Variants in USF2 observed in about 807,000 individuals in gnomAD.
USF2 encodes upstream transcription factor 2, c-fos interacting, also known as upstream stimulatory factor 2.
Under a neutral mutation model 46.9 loss-of-function variants are expected in USF2, and 16 were observed. The ratio of observed to expected loss-of-function variants is 0.34; its 90% CI spans 0.23 to 0.52. The LOEUF is 0.52. Among genes scored for constraint, USF2 ranks in the 20% least tolerant of loss-of-function variants. USF2 has a pLI of 0.96. For missense variants in USF2, 411 were observed against 474.0 expected (o/e 0.87, Z 1.23); for synonymous variants, 239 against 194.1 (o/e 1.23, Z -1.92).
rs146386553 is a variant in USF2, at chr19:35,276,783, C to G, written c.728-1915C>G. On this transcript the variant is annotated intron_variant, in intron 7 of 9. Transcript: ENST00000222305. ...AGGCCATGGCTCGGCGCCTGGCGTT[C>G]CCGAGGCACTTTGTACCATCTTCAG... 6.6e-5 allele frequency among the ~76,000 whole-genome samples: 10 copies of G among 152,282 alleles called. No individual in the cohort carries two copies. In the East Asian group the frequency reaches 1.9e-3, roughly 29 times the overall value.
At position 35,273,479 on chromosome 19, in the gene USF2, G is replaced by A. The variant is rs1236233600; in HGVS notation, c.727+2338G>A. Among the ~76,000 whole-genome samples, 3 of 152,344 alleles carry A rather than the reference G, an allele frequency of 2.0e-5. No individual in the cohort carries two copies. The East Asian group carries it at 5.8e-4, about 29-fold the overall frequency. On this transcript the variant is annotated intron_variant, in intron 7 of 9. Transcript: ENST00000222305. ...CAGTTCCAAGTGAGTAGATGGGGGT[G>A]CCGGGGAATCTGTGTTTTCCATCAG...
intron 1 of USF2, 43 bp from the exon 2 acceptor site, chr19:35,269,403 G>C: frequency 7.4e-7 from 1 of 1,357,482 alleles, no homozygotes; most frequent in Non-Finnish European, 9.4e-7. Context: ...GGGGGCGCGG[G>C]CGCGGGCCGC....
Position 35,270,795 on chromosome 19 carries a change from C to T in USF2, c.658C>T (p.Pro220Ser), listed in dbSNP as rs1440232153. The change falls in exon 6 of 10, where the codon CCT becomes TCT. Residue 220 changes from proline (P) to serine (S), a missense_variant. By Grantham distance (74) the Pro-to-Ser change is moderately conservative. Coordinates refer to ENST00000222305, the MANE Select transcript of USF2 (RefSeq NM_003367.4). ...TQRTIAPRTH[P>S]YSPKIDGTRT... ...GAGGACGATCGCCCCCCGGACACACCCTTACTCTCCGTATGTGCAGGGGAC... is the reference window on the plus strand; with the variant it reads ...GAGGACGATCGCCCCCCGGACACACTCTTACTCTCCGTATGTGCAGGGGAC... The T allele has an allele frequency of 6.2e-7, 1 of 1,614,078 alleles. No individual in the cohort carries two copies. The highest frequency in any genetic ancestry group is 1.1e-5 in the South Asian group (1 of 91,084).
Position 35,279,246 on chromosome 19 carries a change from C to T in USF2, c.1031C>T (p.Thr344Ile). 2 of 1,537,132 alleles carry T rather than the reference C, an allele frequency of 1.3e-6. 1 individual carries two copies. The highest frequency in any genetic ancestry group is 2.5e-5 in the South Asian group (2 of 81,256). ...QHNLEMVGEGTRQ is the reference protein window; with the variant it reads ...QHNLEMVGEGIRQ ...AACCTGGAGATGGTGGGCGAGGGCA[C>T]CCGGCAGTGACGCCCGCCACCACCA... is the stretch of plus-strand genomic sequence containing the variant. The change falls in exon 10 of 10, where the codon ACC (threonine) becomes ATC (isoleucine). Residue 344 changes from threonine (T) to isoleucine (I), a missense_variant. This residue lies in a region of USF2 where 93 missense variants were observed against 151.6 expected (regional missense o/e 0.61). Coordinates refer to ENST00000222305, the MANE Select transcript of USF2 (RefSeq NM_003367.4).
chr19:35,270,270 G>A (rs1355015796), intron 4 of USF2, 177 bp from the exon 5 acceptor site: 3 of 1,020,614 alleles, frequency 2.9e-6, no homozygotes, highest in Admixed American at 3.0e-5. Flanking sequence ...GCAAGTGATC[G>A]CTGACCTCCC....
At position 35,269,840 on chromosome 19, in the gene USF2, T is replaced by C; in HGVS notation, c.266T>C (p.Leu89Pro). ...YRVVQVTDGQ[L>P]DGQGDTAGAV... The stretch of plus-strand genomic sequence containing the variant: ...GTAGTCCAGGTGACTGATGGTCAGC[T>C]GGACGGCCAGGGCGACACAGCTGGC... Residue 89 changes from leucine (L) to proline (P), a missense_variant, in exon 4 of 10, where the codon CTG becomes CCG. This residue lies in a region of USF2 where 318 missense variants were observed against 322.4 expected (regional missense o/e 0.99). Coordinates refer to ENST00000222305, the MANE Select transcript of USF2 (RefSeq NM_003367.4). 1 of 1,448,006 alleles carries C rather than the reference T, an allele frequency of 6.9e-7. No individual in the cohort carries two copies. The highest frequency in any genetic ancestry group is 1.4e-5 in the South Asian group (1 of 69,332). The allele number at this position is 1,448,006 out of a possible 1,614,324, so 89.7% of individuals were successfully genotyped here. A position where few individuals can be genotyped will look rare whatever the true frequency, so the allele number is the denominator to read the frequency against.
At chr19:35,270,275 C>G in intron 4 of USF2, 172 bp from the exon 5 acceptor site, 1 of 1,051,174 alleles carries the variant, frequency 9.5e-7, no homozygotes, top group Non-Finnish European at 1.3e-6. Context: ...TGATCGCTGA[C>G]CTCCCGCCAT....
Position 35,279,354 on chromosome 19 carries a change from G to T in USF2, c.*98G>T. 4 of 1,274,128 alleles carry T rather than the reference G, an allele frequency of 3.1e-6. No individual in the cohort carries two copies. Among genetic ancestry groups the T allele is most frequent in the East Asian group, 3.0e-5 (1 of 33,858 alleles). 78.9% of individuals were successfully genotyped at this position (1,274,128 alleles called of 1,614,324 possible). A position where few individuals can be genotyped will look rare whatever the true frequency, so the allele number is the denominator to read the frequency against. ...GAGAGGGACACATGCCCCTCCCCCA[G>T]CTGCGTTTTTTTATAGTAGATTTTT... On this transcript the variant is annotated 3_prime_UTR_variant, in exon 10 of 10. Transcript: ENST00000222305.
At chr19:35,274,501 G>A (rs774149613) in intron 7 of USF2, among the ~76,000 whole-genome samples, 3 of 152,186 alleles carry the variant, frequency 2.0e-5, no homozygotes, top group Non-Finnish European at 2.9e-5. Context: ...ATCTCAGGAA[G>A]GGGTGTGTGG....
intron 7 of USF2, chr19:35,275,382 C>T (rs1302696815): frequency 6.6e-6 from 1 of 151,460 alleles, no homozygotes; most frequent in Non-Finnish European, 1.5e-5. Flanking sequence ...TGCTAGGTTT[C>T]ATGCTTTAGC....
chr19:35,270,677 C>A, intron 5 of USF2, 41 bp from the exon 6 acceptor site: 1 of 1,613,124 alleles, frequency 6.2e-7, no homozygotes. Context: ...CCAGTTCTGA[C>A]TTCACCCTGC....
At position 35,271,097 on chromosome 19, in the gene USF2, C is replaced by A. The variant is rs929262031; in HGVS notation, c.683C>A (p.Thr228Asn). ...TCCTCTTGTAGAAAAATTGATGGAACCAGAACACCCCGAGATGAGAGGAGA... is the reference window on the plus strand; with the variant it reads ...TCCTCTTGTAGAAAAATTGATGGAAACAGAACACCCCGAGATGAGAGGAGA... ...THPYSPKIDGTRTPRDERRRA... is the reference protein window; with the variant it reads ...THPYSPKIDGNRTPRDERRRA... Residue 228 changes from threonine (T) to asparagine (N), a missense_variant, in exon 7 of 10, where the codon ACC becomes AAC. Physicochemically the swap from Thr to Asn is moderately conservative, Grantham distance 65 (BLOSUM62 0). This residue lies in a region of USF2 where 318 missense variants were observed against 322.4 expected (regional missense o/e 0.99). Transcript: ENST00000222305. 5 of 1,613,690 alleles carry A rather than the reference C, an allele frequency of 3.1e-6. No individual in the cohort carries two copies. Among genetic ancestry groups the A allele is most frequent in the Non-Finnish European group, 4.2e-6 (5 of 1,179,906 alleles).
chr19:35,270,012 C>T lies in USF2; in HGVS notation c.429+9C>T, dbSNP rs2066125697. 4 of 1,343,710 alleles carry T rather than the reference C, an allele frequency of 3.0e-6. No homozygotes were observed. The highest frequency in any genetic ancestry group is 3.1e-5 in the East Asian group (1 of 32,402). 83.2% of individuals were successfully genotyped at this position (1,343,710 alleles called of 1,614,324 possible). ...CAGCGCCCTTCCCGCTGGTAGGTGC[C>T]CTGCCACCCCTGGGTGGGGGGGGGA... On this transcript the variant is annotated intron_variant, in intron 4 of 9. Transcript: ENST00000222305.
chr19:35,270,370 C>T (rs2066133390), intron 4 of USF2, 77 bp from the exon 5 acceptor site: 1 of 1,555,598 alleles, frequency 6.4e-7, no homozygotes, highest in Non-Finnish European at 8.7e-7. Flanking sequence ...ATGCAGTAAA[C>T]CCCAAGCACA....
At chr19:35,271,564 G>A (rs565080226) in intron 7 of USF2, among the ~76,000 whole-genome samples, 6 of 152,310 alleles carry the variant, frequency 3.9e-5, no homozygotes, top group Admixed American at 1.3e-4. Context: ...CCCCCAGGGA[G>A]CACATCTGAG....
In USF2 at chr19:35,279,153, G is replaced by A. The variant is rs2280746; in HGVS notation, c.952-14G>A. On this transcript the variant is annotated splice_polypyrimidine_tract_variant and intron_variant, in intron 9 of 9. Coordinates refer to ENST00000222305, the MANE Select transcript of USF2 (RefSeq NM_003367.4). ...CTGGCCCTCAGCTCCCTTGACCTCC[G>A]TCGTGTCCGCCAGATCGAGGAGCTG... The A allele has an allele frequency of 0.14, 226,820 of 1,609,948 alleles. 17,602 individuals are homozygous for A. Among genetic ancestry groups the A allele is most frequent in the Admixed American group, 0.27 (15,830 of 59,218 alleles).
intron 8 of USF2, 67 bp from the exon 9 acceptor site, chr19:35,278,879 G>T (rs779409777): frequency 1.3e-6 from 2 of 1,599,646 alleles, no homozygotes; most frequent in Non-Finnish European, 1.7e-6. Context: ...GGGCTCGGGA[G>T]TCATCCCTGG....
chr19:35,269,867 CCGTCAG>C lies in USF2; in HGVS notation c.298_303del (p.Ser100_Val101del), dbSNP rs1226224642. 2 of 1,421,824 alleles carry C rather than the reference CCGTCAG, an allele frequency of 1.4e-6. No individual in the cohort carries two copies. The highest frequency in any genetic ancestry group is 1.8e-6 in the Non-Finnish European group (2 of 1,096,682). 88.1% of individuals were successfully genotyped at this position (1,421,824 alleles called of 1,614,324 possible). A position where few individuals can be genotyped will look rare whatever the true frequency, so the allele number is the denominator to read the frequency against. On this transcript the variant is annotated inframe_deletion, in exon 4 of 10. Transcript: ENST00000222305. ...GACGGCCAGGGCGACACAGCTGGCG[CCGTCAG>C]CGTCGTGTCCACCGCTGCCTTCGCG...
intron 7 of USF2, among the ~76,000 whole-genome samples, chr19:35,272,222 C>T (rs191862510): frequency 7.2e-5 from 11 of 152,266 alleles, no homozygotes; most frequent in African/African-American, 2.4e-4. Context: ...CAGACAAGGT[C>T]TCAGCTCTCT....
Sources: allele counts gnomAD v4.1 joint callset (sites outside exome capture counted in the v4.1 genomes callset), GRCh38; gene constraint gnomAD v4.1.1; regional missense constraint gnomAD v4.1.1; transcripts MANE v1.5; gene names NCBI Gene and HGNC (gene_info 2026-07-23, HGNC 2026-07-21).